Variants in CYP4X1 observed in about 807,000 individuals in gnomAD.
CYP4X1 encodes the protein cytochrome P450 4X1.
In CYP4X1, 44 loss-of-function variants were observed where a neutral mutation model predicts 57.9. The ratio of observed to expected loss-of-function variants is 0.76; its 90% CI spans 0.60 to 0.98. The LOEUF (loss-of-function observed/expected upper bound fraction) is 0.98, where lower values mean the gene tolerates loss of function less well. Among genes scored for constraint, CYP4X1 ranks in the 50% least tolerant of loss-of-function variants. The pLI is 0.00. For synonymous variants in CYP4X1, 227 were observed against 228.6 expected, an observed-to-expected ratio of 0.99 and a Z score of 0.06; for missense variants, 532 against 623.9, an observed-to-expected ratio of 0.85 and a Z score of 1.57.
intron 10 of CYP4X1, 37 bp downstream of exon 10, chr1:47,048,666 C>A: frequency 6.3e-7 from 1 of 1,579,276 alleles, no homozygotes; most frequent in Non-Finnish European, 8.6e-7. Flanking sequence ...CTTCCAAGAA[C>A]TAATGCTGTG....
the CYP4X1 span, among the ~76,000 whole-genome samples, chr1:47,018,176 G>A: frequency 6.6e-6 from 1 of 152,086 alleles, no homozygotes; most frequent in Admixed American, 6.5e-5. Context: ...AAGATGAACT[G>A]GGGAGGAAGA....
At chr1:47,031,870 C>A (rs1001285612) in intron 3 of CYP4X1, among the ~76,000 whole-genome samples, 1 of 152,040 alleles carries the variant, frequency 6.6e-6, no homozygotes, top group African/African-American at 2.4e-5. Context: ...GGTGAAATCC[C>A]ATCTCTACTA....
At chr1:46,984,632 G>A in the CYP4X1 span, among the ~76,000 whole-genome samples, 1 of 152,116 alleles carries the variant, frequency 6.6e-6, no homozygotes, top group African/African-American at 2.4e-5. Flanking sequence ...CCTAGCCAAG[G>A]GAAGCCATGG....
chr1:47,031,623 A>G (rs1644124594), intron 3 of CYP4X1, 143 bp downstream of exon 3: 1 of 866,954 alleles, frequency 1.2e-6, no homozygotes, highest in East Asian at 2.5e-5. Flanking sequence ...TCTAGGGGAA[A>G]GATTGAAGGG....
At chr1:47,045,323 C>A (rs1234232705) in intron 8 of CYP4X1, among the ~76,000 whole-genome samples, 8 of 152,020 alleles carry the variant, frequency 5.3e-5, no homozygotes, top group African/African-American at 1.4e-4. Flanking sequence ...AGGTAGGATG[C>A]AAATTTAAAA....
the CYP4X1 span, among the ~76,000 whole-genome samples, chr1:46,969,676 G>A: frequency 2.6e-5 from 4 of 152,314 alleles, no homozygotes; most frequent in East Asian, 7.7e-4. Context: ...ATTATAGAGT[G>A]TACCTGTCCA....
At chr1:47,051,808 GT>G (rs60883706), downstream of CYP4X1, among the ~76,000 whole-genome samples, 1,426 of 152,072 alleles carry the variant, frequency 9.4e-3, 20 homozygotes, top group African/African-American at 0.032. Flanking sequence ...ATATTTCCTT[GT>G]TTTTTTCTGG....
rs1644176534 is a variant in CYP4X1, at chr1:47,036,025, A to C, written c.629A>C (p.Asp210Ala). Residue 210 changes from aspartate to alanine, a missense_variant, in exon 6 of 12, where the codon GAT becomes GCT. By Grantham distance (126) the Asp-to-Ala change is moderately radical. Coordinates refer to ENST00000371901, the MANE Select transcript of CYP4X1 (RefSeq NM_178033.2). The stretch of plus-strand genomic sequence containing the variant: ...CCAACTTTCTCTTCTAGCACCCATG[A>C]TCCTTATGCAAAAGCCATATTTGAA... ...ETNCQTNSTHDPYAKAIFELS... is the reference protein window; with the variant it reads ...ETNCQTNSTHAPYAKAIFELS... 1 of 1,612,402 alleles carries C rather than the reference A, an allele frequency of 6.2e-7. No individual in the cohort carries two copies. The highest frequency in any genetic ancestry group is 1.7e-5 in the Admixed American group (1 of 59,946).
the CYP4X1 span, among the ~76,000 whole-genome samples, chr1:46,990,594 T>G: frequency 6.6e-6 from 1 of 152,184 alleles, no homozygotes; most frequent in Non-Finnish European, 1.5e-5. Context: ...TAAAGACACA[T>G]GCACATGTAT....
chr1:46,989,048 G>C, the CYP4X1 span, among the ~76,000 whole-genome samples: 1 of 152,132 alleles, frequency 6.6e-6, no homozygotes, highest in African/African-American at 2.4e-5. Context: ...GTTCTGGCCA[G>C]AGCAATCATG....
At position 47,031,491 on chromosome 1, in the gene CYP4X1, G is replaced by A. The variant is rs1244081041; in HGVS notation, c.364+11G>A. On this transcript the variant is annotated intron_variant, in intron 3 of 11. Coordinates refer to ENST00000371901, the MANE Select transcript of CYP4X1 (RefSeq NM_178033.2). The stretch of plus-strand genomic sequence containing the variant: ...CACCTCCACTTCTTGGTATGTATGT[G>A]CAAATGAGAGGTATAACCCACTCTC... 6.2e-7 allele frequency: 1 copy of A among 1,613,862 alleles called. No individual in the cohort carries two copies. Among genetic ancestry groups the A allele is most frequent in the East Asian group, 2.2e-5 (1 of 44,872 alleles).
intron 4 of CYP4X1, among the ~76,000 whole-genome samples, chr1:47,033,890 T>C (rs974356370): frequency 6.6e-6 from 1 of 152,184 alleles, no homozygotes; most frequent in Non-Finnish European, 1.5e-5. Flanking sequence ...AAATTATTAA[T>C]AGTAAGAACT....
intron 1 of CYP4X1, among the ~76,000 whole-genome samples, chr1:47,028,110 G>A (rs1182706297): frequency 6.6e-6 from 1 of 152,132 alleles, no homozygotes; most frequent in Non-Finnish European, 1.5e-5. Context: ...TAGGCCAGGT[G>A]GTTTGACATT....
At chr1:46,986,390 G>C in the CYP4X1 span, among the ~76,000 whole-genome samples, 4 of 152,208 alleles carry the variant, frequency 2.6e-5, no homozygotes, top group Non-Finnish European at 4.4e-5. Context: ...TATGTGAAAA[G>C]ACCAAACCTA....
At chr1:47,040,908 G>A (rs61784334) in intron 8 of CYP4X1, among the ~76,000 whole-genome samples, 2 of 151,982 alleles carry the variant, frequency 1.3e-5, no homozygotes, top group Non-Finnish European at 2.9e-5. Flanking sequence ...CCTCCTGTCT[G>A]ACTGAAATTT....
intron 1 of CYP4X1, among the ~76,000 whole-genome samples, chr1:47,029,206 A>G (rs1179118620): frequency 6.6e-6 from 1 of 151,998 alleles, no homozygotes; most frequent in Non-Finnish European, 1.5e-5. Context: ...AGATGGGCAC[A>G]CCAAAACACA....
upstream of CYP4X1, among the ~76,000 whole-genome samples, chr1:47,021,176 G>A: frequency 1.0e-5 from 1 of 99,884 alleles, no homozygotes. Flanking sequence ...AAAGGAAGGA[G>A]GCGCTGCTCT....
downstream of CYP4X1, among the ~76,000 whole-genome samples, chr1:47,052,697 C>T (rs549058299): frequency 2.6e-5 from 4 of 152,292 alleles, no homozygotes; most frequent in South Asian, 6.2e-4. Context: ...TTATTGACCA[C>T]TTTCTATGGG....
At chr1:47,046,652 A>G in intron 9 of CYP4X1, 52 bp downstream of exon 9, 1 of 1,612,048 alleles carries the variant, frequency 6.2e-7, no homozygotes, top group East Asian at 2.2e-5. Context: ...GATCCTGGAG[A>G]CCACAGTGAC....
Sources: allele counts gnomAD v4.1 joint callset (sites outside exome capture counted in the v4.1 genomes callset), GRCh38; gene constraint gnomAD v4.1.1; transcripts MANE v1.5; gene names NCBI Gene and HGNC (gene_info 2026-07-23, HGNC 2026-07-21).